TSPAN9: variants seen among roughly 807,000 people sequenced by gnomAD.
TSPAN9 encodes tetraspanin 9.
A neutral mutation model predicts 31.0 loss-of-function variants in TSPAN9; 16 were observed. The ratio of observed to expected loss-of-function variants is 0.52; its 90% confidence interval spans 0.35 to 0.78. The LOEUF (loss-of-function observed/expected upper bound fraction) is 0.78. Ranked by LOEUF, TSPAN9 falls within the 30% of genes least tolerant of loss-of-function variation. TSPAN9 has a pLI of 0.01. For synonymous variants in TSPAN9, 145 were observed against 121.6 expected (o/e 1.19, Z -1.27); for missense variants, 272 against 312.5 (o/e 0.87, Z 0.98).
chr12:3,093,307 G>T (rs1361498641), intron 2 of TSPAN9, among the ~76,000 whole-genome samples: 2 of 152,186 alleles, frequency 1.3e-5, no homozygotes, highest in African/African-American at 4.8e-5. Context: ...CCAGGCGTGG[G>T]GGGCAGTAGG....
At chr12:3,215,065 C>A (rs199774690) in intron 3 of TSPAN9, among the ~76,000 whole-genome samples, 1 of 152,064 alleles carries the variant, frequency 6.6e-6, no homozygotes, top group African/African-American at 2.4e-5. Flanking sequence ...GAAACAAACA[C>A]ATACCCTTCC....
chr12:3,276,363 G>A (rs1862786673), intron 3 of TSPAN9, among the ~76,000 whole-genome samples: 1 of 152,190 alleles, frequency 6.6e-6, no homozygotes, highest in African/African-American at 2.4e-5. Context: ...TTACCTGCGA[G>A]GTCCCAGCTG....
intron 2 of TSPAN9, among the ~76,000 whole-genome samples, chr12:3,098,685 G>T (rs1328203464): frequency 6.7e-6 from 1 of 149,820 alleles, no homozygotes; most frequent in Non-Finnish European, 1.5e-5. Context: ...ATTTTTCATT[G>T]TTCTCAGTGT....
chr12:3,081,842 G>GTATATATATATATATATA lies in TSPAN9; in HGVS notation c.-84-1810_-84-1809insATATATATATATATATAT, dbSNP rs1226231378. Among the ~76,000 whole-genome samples the GTATATATATATATATATA allele has an allele frequency of 5.1e-4, 29 of 56,422 alleles. No homozygotes were observed. The East Asian group carries it at 8.0e-3, about 16-fold the overall frequency. The allele number at this position is 56,422 out of a possible 152,430, so 37.0% of individuals were successfully genotyped here. On this transcript the variant is annotated intron_variant, in intron 1 of 8. Coordinates refer to ENST00000011898, the MANE Select transcript of TSPAN9 (RefSeq NM_006675.5). ...TGTGTGTGTGTGTGTGTGTCTGTGT[G>GTATATATATATATATATA]TGTATATATATGCCAGGTGTGGTGG...
chr12:3,255,688 C>T (rs1019721255), intron 3 of TSPAN9, among the ~76,000 whole-genome samples: 5 of 152,212 alleles, frequency 3.3e-5, no homozygotes, highest in African/African-American at 1.2e-4. Context: ...AACCCAGAAG[C>T]CATAGACGCT....
intron 3 of TSPAN9, among the ~76,000 whole-genome samples, chr12:3,266,885 AGTGT>A (rs1862547892): frequency 6.6e-6 from 1 of 152,124 alleles, no homozygotes; most frequent in Non-Finnish European, 1.5e-5. Flanking sequence ...AGAGCTAGAG[AGTGT>A]GTGGGTGGCT....
At chr12:3,185,389 T>C (rs978732588) in intron 2 of TSPAN9, among the ~76,000 whole-genome samples, 1 of 151,902 alleles carries the variant, frequency 6.6e-6, no homozygotes, top group Non-Finnish European at 1.5e-5. Flanking sequence ...GGGCTAGGAG[T>C]CATTTTGCTG....
chr12:3,179,217 G>A (rs923260912), intron 2 of TSPAN9, among the ~76,000 whole-genome samples: 1 of 152,032 alleles, frequency 6.6e-6, no homozygotes, highest in African/African-American at 2.4e-5. Flanking sequence ...AGACAGGAAG[G>A]CACCTCCCAA....
chr12:3,274,015 G>A (rs1862734530), intron 3 of TSPAN9, among the ~76,000 whole-genome samples: 1 of 152,186 alleles, frequency 6.6e-6, no homozygotes, highest in Non-Finnish European at 1.5e-5. Flanking sequence ...CAGCCCAAGG[G>A]TGGGTGCCTG....
intron 2 of TSPAN9, among the ~76,000 whole-genome samples, chr12:3,117,204 T>A (rs2098322833): frequency 6.6e-6 from 1 of 152,146 alleles, no homozygotes; most frequent in Non-Finnish European, 1.5e-5. Context: ...GTCATCCAGG[T>A]TTCCTGATGG....
chr12:3,163,127 G>A (rs2153969608), intron 2 of TSPAN9, among the ~76,000 whole-genome samples: 1 of 152,310 alleles, frequency 6.6e-6, no homozygotes, highest in African/African-American at 2.4e-5. Context: ...GGAGTCCCCA[G>A]CATCTAGACA....
chr12:3,247,428 CT>C (rs1862159841), intron 3 of TSPAN9, among the ~76,000 whole-genome samples: 2 of 151,976 alleles, frequency 1.3e-5, no homozygotes, highest in African/African-American at 4.8e-5. Flanking sequence ...GCCTTTGACT[CT>C]AAGTCTTCAG....
intron 2 of TSPAN9, among the ~76,000 whole-genome samples, chr12:3,097,477 T>C (rs998594238): frequency 2.0e-5 from 3 of 152,136 alleles, no homozygotes; most frequent in Non-Finnish European, 4.4e-5. Context: ...AATTTGCTCA[T>C]TCTTTACCTC....
At chr12:3,091,500 G>A (rs2153963243) in intron 2 of TSPAN9, among the ~76,000 whole-genome samples, 1 of 152,354 alleles carries the variant, frequency 6.6e-6, no homozygotes, top group South Asian at 2.1e-4. Context: ...CTTAGAGGAT[G>A]CTACAGTGGA....
chr12:3,230,786 C>T (rs978358520), intron 3 of TSPAN9, among the ~76,000 whole-genome samples: 4 of 152,102 alleles, frequency 2.6e-5, no homozygotes, highest in African/African-American at 9.7e-5. Context: ...GCAGCCCCTG[C>T]TCCGATCCTC....
intron 2 of TSPAN9, among the ~76,000 whole-genome samples, chr12:3,150,744 C>CCAGGCCCTGCAGGAGATCGAATG: frequency 6.6e-6 from 1 of 152,146 alleles, no homozygotes; most frequent in African/African-American, 2.4e-5. Flanking sequence ...GTGCTGAGTT[C>CCAGGCCCTGCAGGAGATCGAATG]CAGGCCCTGC....
chr12:3,099,966 C>T (rs1268680585), intron 2 of TSPAN9, among the ~76,000 whole-genome samples: 2 of 151,962 alleles, frequency 1.3e-5, no homozygotes, highest in African/African-American at 2.4e-5. Flanking sequence ...CTCAGCCTCC[C>T]GAGTTGCTGG....
At chr12:3,275,684 T>G (rs1033497352) in intron 3 of TSPAN9, among the ~76,000 whole-genome samples, 1 of 152,228 alleles carries the variant, frequency 6.6e-6, no homozygotes, top group Non-Finnish European at 1.5e-5. Context: ...GATGGCCCAG[T>G]TGGGCGATGC....
chr12:3,226,738 GTGTGTGTATATATATATATATATA>G (rs2098387637), intron 3 of TSPAN9, among the ~76,000 whole-genome samples: 113 of 10,592 alleles, frequency 0.011, 12 homozygotes, highest in Admixed American at 0.016. Flanking sequence ...GTGTGTGTGT[GTGTGTGTATATATATATATATATA>G]TATATATATA....
Sources: gnomAD v4.1 joint callset for allele counts (sites outside exome capture counted in the v4.1 genomes callset) on GRCh38, gnomAD v4.1.1 for gene constraint, MANE v1.5 for transcripts, NCBI Gene and HGNC (gene_info 2026-07-23, HGNC 2026-07-21) for gene names.